The following GSE1 variants were observed in gnomAD, a reference collection of about 807,000 sequenced individuals.
GSE1 encodes Gse1 coiled-coil protein, also known as genetic suppressor element 1.
Under a neutral mutation model 112.6 loss-of-function variants are expected in GSE1, and 32 were observed. The ratio of observed to expected loss-of-function variants is 0.28; its 90% confidence interval spans 0.21 to 0.38. The LOEUF is 0.38. Ranked by LOEUF, GSE1 falls within the 10% of genes least tolerant of loss-of-function variation. The probability of loss-of-function intolerance (pLI) is 1.00; values close to 1 mark genes in which losing one functional copy is unlikely to be tolerated. For missense variants in GSE1, 2,348 were observed against 1,699.2 expected (o/e 1.38, Z -6.71); for synonymous variants, 1,115 against 735.6 (o/e 1.52, Z -8.35).
intron 1 of GSE1, among the ~76,000 whole-genome samples, chr16:85,309,499 C>G (rs202217049): frequency 1.1e-5 from 1 of 91,178 alleles, no homozygotes; most frequent in Non-Finnish European, 2.8e-5. Context: ...GTCTCTAAAA[C>G]AATAATAAAT....
At chr16:85,549,559 G>C (rs1328579411) in intron 2 of GSE1, among the ~76,000 whole-genome samples, 1 of 152,198 alleles carries the variant, frequency 6.6e-6, no homozygotes, top group African/African-American at 2.4e-5. Flanking sequence ...CAGGATCCTG[G>C]TTAGATGCTC....
chr16:85,522,532 G>A (rs1224717697), intron 2 of GSE1, among the ~76,000 whole-genome samples: 1 of 152,200 alleles, frequency 6.6e-6, no homozygotes, highest in Non-Finnish European at 1.5e-5. Flanking sequence ...GTGCTGTTCT[G>A]AGAACTGCCT....
intron 1 of GSE1, among the ~76,000 whole-genome samples, chr16:85,175,801 T>G (rs1483542965): frequency 6.6e-6 from 1 of 152,200 alleles, no homozygotes; most frequent in African/African-American, 2.4e-5. Flanking sequence ...TCACACATAC[T>G]GAAGCCTCGC....
intron 1 of GSE1, among the ~76,000 whole-genome samples, chr16:85,346,837 A>G (rs985419506): frequency 6.6e-6 from 1 of 150,922 alleles, no homozygotes; most frequent in Admixed American, 6.6e-5. Context: ...GGATGGATGG[A>G]TGATGGGCAG....
chr16:85,413,577 A>G (rs2048633963), intron 2 of GSE1, among the ~76,000 whole-genome samples: 1 of 152,082 alleles, frequency 6.6e-6, no homozygotes, highest in South Asian at 2.1e-4. Flanking sequence ...CGTTAAGCAC[A>G]CGCTTCGCAA....
At chr16:85,633,823 G>A in intron 1 of GSE1, 91 bp from the exon 2 acceptor site, 1 of 949,896 alleles carries the variant, frequency 1.1e-6, no homozygotes, top group Non-Finnish European at 1.6e-6. Flanking sequence ...CTCCCTGCCT[G>A]CTGCTGCTGA....
intron 1 of GSE1, among the ~76,000 whole-genome samples, chr16:85,193,658 C>T (rs2074871235): frequency 6.6e-6 from 1 of 152,170 alleles, no homozygotes; most frequent in Non-Finnish European, 1.5e-5. Context: ...CAGGGTTTTG[C>T]CATGTTGGCC....
At chr16:85,227,473 G>A (rs1206946330) in intron 1 of GSE1, among the ~76,000 whole-genome samples, 2 of 152,230 alleles carry the variant, frequency 1.3e-5, no homozygotes, top group African/African-American at 4.8e-5. Context: ...GGAGTTGACT[G>A]GGTGGGTGAG....
At chr16:85,448,535 C>T (rs1005083141) in intron 2 of GSE1, among the ~76,000 whole-genome samples, 14 of 152,188 alleles carry the variant, frequency 9.2e-5, no homozygotes, top group Admixed American at 5.9e-4. Flanking sequence ...AGAGATGAGG[C>T]GGGACCCCAG....
intron 2 of GSE1, among the ~76,000 whole-genome samples, chr16:85,409,413 TG>T (rs2048428341): frequency 5.3e-5 from 1 of 18,780 alleles, no homozygotes; most frequent in Non-Finnish European, 9.5e-5. Context: ...AGGGCCCCCC[TG>T]GATAATCCTC....
intron 2 of GSE1, among the ~76,000 whole-genome samples, chr16:85,475,770 G>A (rs2050432275): frequency 6.5e-5 from 2 of 30,562 alleles, no homozygotes; most frequent in African/African-American, 7.3e-5. Context: ...TCTTCTAATT[G>A]TTTTTCTTTT....
chr16:85,502,761 C>T (rs535254706), intron 2 of GSE1, among the ~76,000 whole-genome samples: 1 of 152,304 alleles, frequency 6.6e-6, no homozygotes, highest in South Asian at 2.1e-4. Context: ...TCCGTGGAGC[C>T]GGGAAGGACT....
intron 2 of GSE1, among the ~76,000 whole-genome samples, chr16:85,535,675 C>G (rs573752063): frequency 6.6e-6 from 1 of 152,280 alleles, no homozygotes; most frequent in African/African-American, 2.4e-5. Context: ...TAGGTCCTAT[C>G]ACTGACCTGG....
At chr16:85,626,781 C>T (rs939015309) in intron 1 of GSE1, among the ~76,000 whole-genome samples, 4 of 152,068 alleles carry the variant, frequency 2.6e-5, no homozygotes, top group South Asian at 4.1e-4. Flanking sequence ...CGCGGGAGGC[C>T]GGGAGGGCGG....
At chr16:85,230,353 A>G (rs1313818513) in intron 1 of GSE1, among the ~76,000 whole-genome samples, 1 of 152,046 alleles carries the variant, frequency 6.6e-6, no homozygotes, top group East Asian at 1.9e-4. Context: ...GTTCTAAATC[A>G]CTTTGTATTA....
chr16:85,201,941 T>C (rs189723480), intron 1 of GSE1, among the ~76,000 whole-genome samples: 40 of 152,326 alleles, frequency 2.6e-4, no homozygotes, highest in Non-Finnish European at 4.9e-4. Flanking sequence ...CCCGTGGATA[T>C]ATTTTAGTTG....
intron 1 of GSE1, among the ~76,000 whole-genome samples, chr16:85,591,223 G>A (rs1020013223): frequency 2.6e-5 from 4 of 152,214 alleles, no homozygotes; most frequent in Admixed American, 6.5e-5. Context: ...GGGTTGAGGT[G>A]TAGGGGCCTC....
intron 2 of GSE1, among the ~76,000 whole-genome samples, chr16:85,383,527 GTCTCTCTCTCTCTCTCTCTCTC>G (rs55919597): frequency 0.45 from 58,587 of 130,874 alleles, 12,317 homozygotes; most frequent in Non-Finnish European, 0.54. Context: ...GCACACCTGC[GTCTCTCTCTCTCTCTCTCTCTC>G]TCTCTCTCTC....
chr16:85,186,567 T>C (rs7205262), intron 1 of GSE1, among the ~76,000 whole-genome samples: 66,001 of 150,090 alleles, frequency 0.44, 14,554 homozygotes, highest in South Asian at 0.54. Context: ...CGTGCCACTG[T>C]ACTCCAGCCT....
Sources: allele counts gnomAD v4.1 joint callset (sites outside exome capture counted in the v4.1 genomes callset), GRCh38; gene constraint gnomAD v4.1.1; transcripts MANE v1.5; gene names NCBI Gene and HGNC (gene_info 2026-07-23, HGNC 2026-07-21).